PTP4A3: variants seen among roughly 807,000 people sequenced by gnomAD.
PTP4A3 encodes protein tyrosine phosphatase type IVA 3.
PTP4A3 carries 9 observed loss-of-function variants against 15.2 expected under a neutral mutation model. The ratio of observed to expected loss-of-function variants is 0.59; its 90% CI spans 0.36 to 1.03. The LOEUF (loss-of-function observed/expected upper bound fraction) is 1.03. PTP4A3 is among the 50% of genes least tolerant of loss of function. PTP4A3 has a pLI of 0.02. For synonymous variants in PTP4A3, 95 were observed against 102.0 expected (o/e 0.93, Z 0.41); for missense variants, 234 against 252.1 (o/e 0.93, Z 0.49).
intron 5 of PTP4A3, among the ~76,000 whole-genome samples, chr8:141,428,261 C>G (rs1833679741): frequency 6.6e-6 from 1 of 151,988 alleles, no homozygotes. Flanking sequence ...GCTCACCACC[C>G]CTCCCCCCAA....
At chr8:141,403,434 G>C (rs116080135) in intron 1 of PTP4A3, among the ~76,000 whole-genome samples, 46 of 152,316 alleles carry the variant, frequency 3.0e-4, no homozygotes, top group African/African-American at 1.1e-3. Flanking sequence ...CTTTTTTCCT[G>C]GGCATGGTGT....
chr8:141,394,333 T>G (rs186586419), intron 1 of PTP4A3, among the ~76,000 whole-genome samples: 2 of 152,206 alleles, frequency 1.3e-5, no homozygotes, highest in Admixed American at 1.3e-4. Flanking sequence ...ACCTTGGGCT[T>G]GCCTTGTTCC....
rs745858983 is a variant in PTP4A3, at chr8:141,425,011, C to T, written c.106-37C>T. 1.5e-5 allele frequency: 24 copies of T among 1,563,536 alleles called. No individual in the cohort carries two copies. On this transcript the variant is annotated intron_variant, in intron 2 of 5. Coordinates refer to ENST00000521578, the MANE Select transcript of PTP4A3 (RefSeq NM_032611.3). The surrounding 1 kb of genome is among the most constrained non-coding windows in gnomAD (Gnocchi z 4.2). ...TCCTGCCCCCTGAGCCCTGCAGCCC[C>T]AGCCCAGCCCTGCCTCCTCCGTCCT...
chr8:141,418,739 G>A (rs1337105518), intron 1 of PTP4A3, among the ~76,000 whole-genome samples: 1 of 152,158 alleles, frequency 6.6e-6, no homozygotes, highest in African/African-American at 2.4e-5. Context: ...ACACATGGAG[G>A]CAGGGGCAAC....
intron 1 of PTP4A3, among the ~76,000 whole-genome samples, chr8:141,415,867 G>A (rs2130002836): frequency 6.6e-6 from 1 of 151,600 alleles, no homozygotes; most frequent in Admixed American, 6.5e-5. Flanking sequence ...GGAGGACTCC[G>A]GGAAGGCGTC....
chr8:141,431,028 G>T lies in PTP4A3; in HGVS notation c.506G>T (p.Arg169Leu). The stretch of plus-strand genomic sequence containing the variant: ...AAAGACCCACACACGCACAAGACCC[G>T]GTGCTGCGTTATGTAGCTCAGGACC... ...RFKDPHTHKT[R>L]CCVM The change falls in exon 6 of 6, where the codon CGG becomes CTG. Residue 169 changes from arginine (R) to leucine (L), a missense_variant. Physicochemically the swap from Arg to Leu is moderately radical, Grantham distance 102. Coordinates refer to ENST00000521578, the MANE Select transcript of PTP4A3 (RefSeq NM_032611.3). The T allele has an allele frequency of 6.2e-7, 1 of 1,613,150 alleles. No homozygotes were observed.
rs1419562051 is a variant in PTP4A3 at position 141,425,280 on chromosome 8, C to G, written c.198+140C>G. 4.8e-6 allele frequency: 4 copies of G among 838,938 alleles called. No homozygotes were observed. Among genetic ancestry groups the G allele is most frequent in the Non-Finnish European group, 7.5e-6 (4 of 533,052 alleles). 52.0% of individuals were successfully genotyped at this position (838,938 alleles called of 1,614,324 possible). On this transcript the variant is annotated intron_variant, in intron 3 of 5. Coordinates refer to ENST00000521578, the MANE Select transcript of PTP4A3 (RefSeq NM_032611.3). The surrounding 1 kb of genome is among the most constrained non-coding windows in gnomAD (Gnocchi z 4.2). ...GTCTGTGCCTGGGCCACGTGTGTGTCTGGGTACATCAAGGGAAGGCCAGGG... is the reference window on the plus strand; with the variant it reads ...GTCTGTGCCTGGGCCACGTGTGTGTGTGGGTACATCAAGGGAAGGCCAGGG...
intron 1 of PTP4A3, among the ~76,000 whole-genome samples, chr8:141,397,174 G>A (rs543279043): frequency 1.2e-4 from 18 of 152,314 alleles, no homozygotes; most frequent in African/African-American, 2.9e-4. Flanking sequence ...CAGGGAAGCC[G>A]GGGCTCGGGG....
chr8:141,428,613 T>TGTGGCCCGCCCTGTGGGTCTGCGAGAGC (rs1450726587), intron 5 of PTP4A3, among the ~76,000 whole-genome samples: 6 of 151,506 alleles, frequency 4.0e-5, no homozygotes, highest in African/African-American at 1.5e-4. Context: ...TGTGTGAGAG[T>TGTGGCCCGCCCTGTGGGTCTGCGAGAGC]GTGGCCCGCC....
Position 141,431,096 on chromosome 8 carries a change from ACCTGGAGGC to A in PTP4A3, c.*57_*65del, listed in dbSNP as rs760094029. 14 of 1,561,780 alleles carry A rather than the reference ACCTGGAGGC, an allele frequency of 9.0e-6. No homozygotes were observed. The highest frequency in any genetic ancestry group is 1.2e-5 in the Non-Finnish European group (14 of 1,134,140). ...TCATGTAGGTCAGGACCTTGGCTGGACCTGGAGGCCCTGCCCAGCCCTGCTCTGCCCAGC... is the reference window on the plus strand; with the variant it reads ...TCATGTAGGTCAGGACCTTGGCTGGACCTGCCCAGCCCTGCTCTGCCCAGC... On this transcript the variant is annotated 3_prime_UTR_variant, in exon 6 of 6. Coordinates refer to ENST00000521578, the MANE Select transcript of PTP4A3 (RefSeq NM_032611.3).
chr8:141,417,284 G>A (rs1833092291), intron 1 of PTP4A3, among the ~76,000 whole-genome samples: 2 of 152,276 alleles, frequency 1.3e-5, no homozygotes. Context: ...TCACCAGTAC[G>A]CTAGGAGAGA....
intron 1 of PTP4A3, among the ~76,000 whole-genome samples, chr8:141,419,771 G>A (rs914811554): frequency 6.6e-6 from 1 of 152,052 alleles, no homozygotes; most frequent in African/African-American, 2.4e-5. Context: ...TAGAGATGGG[G>A]TTTCTCCATG....
intron 1 of PTP4A3, among the ~76,000 whole-genome samples, chr8:141,397,915 A>C (rs1344952624): frequency 3.3e-5 from 5 of 152,048 alleles, no homozygotes; most frequent in African/African-American, 1.2e-4. Flanking sequence ...TGCCTTTATC[A>C]TGTGTGAGCC....
rs1438583531 is a variant in PTP4A3 at position 141,392,057 on chromosome 8, G to A, written c.-881G>A. On this transcript the variant is annotated 5_prime_UTR_variant, in exon 1 of 6. Coordinates refer to ENST00000521578, the MANE Select transcript of PTP4A3 (RefSeq NM_032611.3). ...CGCGCGCGTCCCGAGCCCTCCACCC[G>A]TCGTGCCGGCGCCGCCCGGACCGCC... is the stretch of plus-strand genomic sequence containing the variant. 2 of 146,674 alleles carry A rather than the reference G, an allele frequency of 1.4e-5. No homozygotes were observed. The highest frequency in any genetic ancestry group is 3.0e-5 in the Non-Finnish European group (2 of 65,938). 9.1% of individuals were successfully genotyped at this position (146,674 alleles called of 1,614,324 possible). A position where few individuals can be genotyped will look rare whatever the true frequency, so the allele number is the denominator to read the frequency against.
intron 1 of PTP4A3, among the ~76,000 whole-genome samples, chr8:141,405,008 G>T (rs1031449562): frequency 6.6e-6 from 1 of 152,208 alleles, no homozygotes; most frequent in Non-Finnish European, 1.5e-5. Flanking sequence ...GGCATTAACT[G>T]ACACCTGCTT....
chr8:141,411,233 C>T (rs1471901403), intron 1 of PTP4A3, among the ~76,000 whole-genome samples: 1 of 152,214 alleles, frequency 6.6e-6, no homozygotes, highest in Non-Finnish European at 1.5e-5. Flanking sequence ...CCCAAGTGCC[C>T]AGCACAAGGC....
At chr8:141,409,833 T>C (rs1365397155) in intron 1 of PTP4A3, among the ~76,000 whole-genome samples, 1 of 152,222 alleles carries the variant, frequency 6.6e-6, no homozygotes, top group Non-Finnish European at 1.5e-5. Context: ...CTGCTTGCGC[T>C]GGCGAGGGGC....
intron 1 of PTP4A3, among the ~76,000 whole-genome samples, chr8:141,409,962 T>C (rs1832825992): frequency 6.6e-6 from 1 of 152,230 alleles, no homozygotes. Context: ...AGCCAATGCC[T>C]GCAGCCGGGA....
intron 1 of PTP4A3, among the ~76,000 whole-genome samples, chr8:141,402,069 C>T (rs922122202): frequency 6.6e-6 from 1 of 152,176 alleles, no homozygotes; most frequent in African/African-American, 2.4e-5. Flanking sequence ...ACCTGGGCAG[C>T]AGCTGGGGTG....
Sources: allele counts gnomAD v4.1 joint callset (sites outside exome capture counted in the v4.1 genomes callset), GRCh38; gene constraint gnomAD v4.1.1; non-coding constraint Gnocchi (gnomAD v3.1); transcripts MANE v1.5; gene names NCBI Gene and HGNC (gene_info 2026-07-23, HGNC 2026-07-21).